Variants in AP3S2 observed in about 807,000 individuals in gnomAD.
AP3S2 encodes the protein AP-3 complex subunit sigma-2.
Under a neutral mutation model 23.4 loss-of-function variants are expected in AP3S2, and 22 were observed. The observed-to-expected ratio is 0.94, with a 90% CI of 0.67 to 1.34. The LOEUF (loss-of-function observed/expected upper bound fraction) is 1.34. Ranked by LOEUF, AP3S2 falls within the 40% of genes most tolerant of loss-of-function variation. The pLI is 0.00. For synonymous variants in AP3S2, 86 were observed against 87.1 expected, an observed-to-expected ratio of 0.99 and a Z score of 0.07; for missense variants, 241 against 236.9, an observed-to-expected ratio of 1.02 and a Z score of -0.11.
chr15:89,855,335 C>T (rs1032653288), intron 4 of AP3S2, among the ~76,000 whole-genome samples: 37 of 105,394 alleles, frequency 3.5e-4, no homozygotes, highest in African/African-American at 1.2e-3. Context: ...GCAGCATGCG[C>T]GTTAAGAGTC....
chr15:89,840,842 T>C (rs993793673), intron 4 of AP3S2, among the ~76,000 whole-genome samples: 1 of 152,240 alleles, frequency 6.6e-6, no homozygotes, highest in Non-Finnish European at 1.5e-5. Context: ...CCGGAGCTCA[T>C]GTTCTACCCT....
Position 89,831,038 on chromosome 15 carries a change from C to G in AP3S2, c.*4477G>C, listed in dbSNP as rs530863130. 6.5e-6 allele frequency: 1 copy of G among 153,100 alleles called. No homozygotes were observed. The highest frequency in any genetic ancestry group is 1.5e-5 in the Non-Finnish European group (1 of 68,514). The allele number at this position is 153,100 out of a possible 1,614,324, so 9.5% of individuals were successfully genotyped here. On this transcript the variant is annotated 3_prime_UTR_variant, in exon 6 of 6. Transcript: ENST00000336418. ...GCGTTTGGGGAACCGGAGTGGGAGT[C>G]TTTTGCTGAACAGACTTTTGTTTTC...
At chr15:89,878,397 A>C in intron 3 of AP3S2, 1 of 545,522 alleles carries the variant, frequency 1.8e-6, no homozygotes, top group Non-Finnish European at 3.2e-6. Context: ...AATCTAACTT[A>C]CAAACAAACA....
At chr15:89,861,287 C>T (rs1191416034) in intron 4 of AP3S2, among the ~76,000 whole-genome samples, 1 of 152,020 alleles carries the variant, frequency 6.6e-6, no homozygotes, top group Admixed American at 6.5e-5. Context: ...TGAGAGGGCC[C>T]ACTGCAAATT....
intron 4 of AP3S2, among the ~76,000 whole-genome samples, chr15:89,843,036 G>A (rs1895369360): frequency 6.6e-6 from 1 of 151,982 alleles, no homozygotes; most frequent in Non-Finnish European, 1.5e-5. Context: ...CCAGACTGGA[G>A]TGCAATGGCG....
At chr15:89,851,343 C>CTT in intron 4 of AP3S2, among the ~76,000 whole-genome samples, 1 of 145,640 alleles carries the variant, frequency 6.9e-6, no homozygotes, top group Non-Finnish European at 1.5e-5. Flanking sequence ...AATTCATCTT[C>CTT]TTTTTTTTTT....
chr15:89,877,628 C>G (rs1896474049), intron 3 of AP3S2, among the ~76,000 whole-genome samples: 1 of 152,070 alleles, frequency 6.6e-6, no homozygotes, highest in African/African-American at 2.4e-5. Flanking sequence ...GCAGGTGGAT[C>G]ACTTGAGGCC....
At chr15:89,852,047 A>G (rs11637921) in intron 4 of AP3S2, among the ~76,000 whole-genome samples, 7,645 of 152,292 alleles carry the variant, frequency 0.05, 254 homozygotes, top group Middle Eastern at 0.088. Context: ...TACTACAGGC[A>G]GCATTGCAGA....
chr15:89,880,686 A>AAG (rs1896551193), intron 3 of AP3S2, among the ~76,000 whole-genome samples: 1 of 151,770 alleles, frequency 6.6e-6, no homozygotes, highest in Non-Finnish European at 1.5e-5. Flanking sequence ...AAAAAAAAAA[A>AAG]GAAACAATAA....
At chr15:89,893,629 A>C in intron 1 of AP3S2, 42 of 473,514 alleles carry the variant, frequency 8.9e-5, no homozygotes, top group East Asian at 7.1e-5. Flanking sequence ...GACCCACGGG[A>C]AAATGTCACA....
At chr15:89,876,279 C>T (rs773367038) in intron 3 of AP3S2, among the ~76,000 whole-genome samples, 1 of 152,006 alleles carries the variant, frequency 6.6e-6, no homozygotes, top group Non-Finnish European at 1.5e-5. Flanking sequence ...ATTAGCCAGG[C>T]GTGGTGATGC....
rs188830628 is a variant in AP3S2 at position 89,879,069 on chromosome 15, A to G, written c.274-7523T>C. Among the ~76,000 whole-genome samples, 17 of 152,322 alleles carry G rather than the reference A, an allele frequency of 1.1e-4. No homozygotes were observed. In the East Asian group the frequency reaches 1.7e-3, roughly 16 times the overall value. On this transcript the variant is annotated intron_variant, in intron 3 of 5. Coordinates refer to ENST00000336418, the MANE Select transcript of AP3S2 (RefSeq NM_005829.5). ...CCAGGCTAATTTTTTCGTAGAGACA[A>G]AGTCTCACTATGCTGCCCAGGAAGG... is the stretch of plus-strand genomic sequence containing the variant.
chr15:89,849,873 T>C (rs1365163925), intron 4 of AP3S2, among the ~76,000 whole-genome samples: 1 of 151,920 alleles, frequency 6.6e-6, no homozygotes, highest in Non-Finnish European at 1.5e-5. Context: ...GTCCCCTCCC[T>C]GTGCCCATGT....
At chr15:89,893,498 CTT>C (rs1172899121) in intron 1 of AP3S2, 1 of 393,790 alleles carries the variant, frequency 2.5e-6, no homozygotes, top group African/African-American at 2.1e-5. Context: ...CTTTCAGAAA[CTT>C]AATATTTCTT....
chr15:89,841,432 G>A (rs1895327418), intron 4 of AP3S2, among the ~76,000 whole-genome samples: 1 of 152,188 alleles, frequency 6.6e-6, no homozygotes, highest in Non-Finnish European at 1.5e-5. Flanking sequence ...GGACAGGGAA[G>A]CTGGTGATCT....
chr15:89,857,718 A>C (rs1363051994), intron 4 of AP3S2, among the ~76,000 whole-genome samples: 1 of 152,206 alleles, frequency 6.6e-6, no homozygotes, highest in East Asian at 1.9e-4. Context: ...CTACAAAGTG[A>C]TAATAAAAAT....
intron 1 of AP3S2, chr15:89,893,456 A>G (rs544442620): frequency 1.1e-5 from 4 of 360,656 alleles, no homozygotes; most frequent in South Asian, 1.3e-4. Flanking sequence ...CCAAAAAAAA[A>G]AGAACTTTTC....
Position 89,832,945 on chromosome 15 carries a change from T to C in AP3S2, c.*2570A>G, listed in dbSNP as rs767359789. Reference sequence around the variant, plus strand: ...CAAATAAAAAAGTGGGCTTCAGTTTTATGTCATTGTAAGAGGCCATGTGAG... The same window carrying C: ...CAAATAAAAAAGTGGGCTTCAGTTTCATGTCATTGTAAGAGGCCATGTGAG... On this transcript the variant is annotated 3_prime_UTR_variant, in exon 6 of 6. Coordinates refer to ENST00000336418, the MANE Select transcript of AP3S2 (RefSeq NM_005829.5). 1 of 152,248 alleles carries C rather than the reference T, an allele frequency of 6.6e-6. No individual in the cohort carries two copies. The highest frequency in any genetic ancestry group is 1.5e-5 in the Non-Finnish European group (1 of 68,054). 9.4% of individuals were successfully genotyped at this position (152,248 alleles called of 1,614,324 possible). A position where few individuals can be genotyped will look rare whatever the true frequency, so the allele number is the denominator to read the frequency against.
rs560957190 is a variant in AP3S2, at chr15:89,862,301, T to A, written c.345+9174A>T. ...TTCTGGGACAATTGGGAAACTTAAA[T>A]ATGAACTATATATTGGAAAACAATA... On this transcript the variant is annotated intron_variant, in intron 4 of 5. Transcript: ENST00000336418. Among the ~76,000 whole-genome samples the A allele has an allele frequency of 3.2e-4, 49 of 152,328 alleles. No homozygotes were observed. The South Asian group carries it at 6.4e-3, about 20-fold the overall frequency.
Sources: gnomAD v4.1 joint callset for allele counts (sites outside exome capture counted in the v4.1 genomes callset) on GRCh38, gnomAD v4.1.1 for gene constraint, MANE v1.5 for transcripts, NCBI Gene and HGNC (gene_info 2026-07-23, HGNC 2026-07-21) for gene names.